DYNC1I1: variants seen among roughly 807,000 people sequenced by gnomAD.
DYNC1I1 encodes cytoplasmic dynein 1 intermediate chain 1.
A neutral mutation model predicts 86.6 loss-of-function variants in DYNC1I1; 43 were observed. That is an observed-to-expected ratio of 0.50 (90% CI 0.39 to 0.64). DYNC1I1 has a LOEUF of 0.64. Among genes scored for constraint, DYNC1I1 ranks in the 30% least tolerant of loss-of-function variants. DYNC1I1 has a pLI of 0.00. For synonymous variants in DYNC1I1, 262 were observed against 283.7 expected (o/e 0.92, Z 0.77); for missense variants, 604 against 788.8 (o/e 0.77, Z 2.81).
At chr7:95,989,300 C>T (rs140510539) in intron 9 of DYNC1I1, among the ~76,000 whole-genome samples, 17 of 152,330 alleles carry the variant, frequency 1.1e-4, no homozygotes, top group African/African-American at 3.8e-4. Context: ...AATGTTCTCT[C>T]CTCTTGAATT....
intron 5 of DYNC1I1, among the ~76,000 whole-genome samples, chr7:95,842,442 C>T (rs1024629828): frequency 6.6e-6 from 1 of 152,126 alleles, no homozygotes; most frequent in African/African-American, 2.4e-5. Context: ...AGGTGATAGA[C>T]GTGGGGCTTT....
At chr7:96,030,376 G>A (rs1413626085) in intron 11 of DYNC1I1, among the ~76,000 whole-genome samples, 5 of 148,210 alleles carry the variant, frequency 3.4e-5, no homozygotes, top group Admixed American at 2.7e-4. Flanking sequence ...GTGTGTGTGT[G>A]TAGGCATGCT....
rs545818592 is a variant in DYNC1I1 at position 96,076,316 on chromosome 7, A to G, written c.1650+119A>G. 149 of 1,399,286 alleles carry G rather than the reference A, an allele frequency of 1.1e-4. No homozygotes were observed. In the African/African-American group the frequency reaches 1.5e-3, roughly 14 times the overall value. 86.7% of individuals were successfully genotyped at this position (1,399,286 alleles called of 1,614,324 possible). ...TTTGGACAGACCTTCCAACTGCAGC[A>G]GGGCTGCCGGCCCCCATTCTTGACT... On this transcript the variant is annotated intron_variant, in intron 15 of 16. Transcript: ENST00000447467.
intron 6 of DYNC1I1, among the ~76,000 whole-genome samples, chr7:95,896,695 T>C (rs374767939): frequency 2.0e-5 from 3 of 152,320 alleles, no homozygotes; most frequent in East Asian, 1.9e-4. Context: ...AGAAACCAAG[T>C]TGCTTATTAT....
At chr7:96,075,463 C>T (rs1164335134) in intron 14 of DYNC1I1, among the ~76,000 whole-genome samples, 1 of 152,138 alleles carries the variant, frequency 6.6e-6, no homozygotes, top group Non-Finnish European at 1.5e-5. Flanking sequence ...CGTAGGATCG[C>T]GAAATGATTA....
chr7:96,029,966 C>T (rs540800344), intron 11 of DYNC1I1, among the ~76,000 whole-genome samples: 41 of 151,164 alleles, frequency 2.7e-4, no homozygotes, highest in South Asian at 6.3e-4. Context: ...GTCCACTTTT[C>T]GCTTTTGCTG....
chr7:95,791,497 C>T (rs1424307942), intron 1 of DYNC1I1, among the ~76,000 whole-genome samples: 2 of 152,184 alleles, frequency 1.3e-5, no homozygotes, highest in African/African-American at 2.4e-5. Context: ...TAGACATGTT[C>T]ATTTATCATC....
intron 6 of DYNC1I1, among the ~76,000 whole-genome samples, chr7:95,944,789 C>T (rs376326746): frequency 7.4e-5 from 11 of 148,332 alleles, no homozygotes; most frequent in East Asian, 6.1e-4. Flanking sequence ...AACCAAATAC[C>T]GCATATTCTC....
At chr7:96,035,574 C>A in intron 12 of DYNC1I1, 45 bp from the exon 13 acceptor site, 1 of 1,522,842 alleles carries the variant, frequency 6.6e-7, no homozygotes, top group Admixed American at 2.4e-5. Flanking sequence ...TTTGGCATGG[C>A]AAGGAGTTGA....
chr7:95,799,774 T>G (rs570666075), intron 1 of DYNC1I1, among the ~76,000 whole-genome samples: 50 of 152,154 alleles, frequency 3.3e-4, no homozygotes, highest in African/African-American at 1.0e-3. Context: ...TTCCTTACTT[T>G]AAATGTATTG....
chr7:96,089,516 G>T (rs1458119094), intron 16 of DYNC1I1, among the ~76,000 whole-genome samples: 2 of 152,030 alleles, frequency 1.3e-5, no homozygotes, highest in Admixed American at 6.6e-5. Context: ...GCACAGAAAA[G>T]GATATTTAGA....
chr7:95,805,291 G>A (rs988061376), intron 2 of DYNC1I1, among the ~76,000 whole-genome samples: 7 of 152,108 alleles, frequency 4.6e-5, no homozygotes, highest in Admixed American at 1.3e-4. Context: ...AAATCTACCA[G>A]CAGGAACATT....
At chr7:95,851,110 T>A (rs1182209859) in intron 5 of DYNC1I1, among the ~76,000 whole-genome samples, 1 of 42,206 alleles carries the variant, frequency 2.4e-5, no homozygotes, top group African/African-American at 4.6e-5. Flanking sequence ...AATTTTTTGA[T>A]TTTTTGAACA....
At chr7:95,822,812 C>T (rs1009409882) in intron 4 of DYNC1I1, among the ~76,000 whole-genome samples, 1 of 152,116 alleles carries the variant, frequency 6.6e-6, no homozygotes, top group Admixed American at 6.5e-5. Flanking sequence ...GGAATACTGA[C>T]GGAAATTTAA....
At chr7:95,840,119 T>C (rs886820010) in intron 5 of DYNC1I1, among the ~76,000 whole-genome samples, 5 of 152,172 alleles carry the variant, frequency 3.3e-5, no homozygotes, top group African/African-American at 1.2e-4. Context: ...GGATGTCTTA[T>C]TTCCTTCCCC....
intron 14 of DYNC1I1, among the ~76,000 whole-genome samples, chr7:96,074,469 T>A (rs1790268507): frequency 6.9e-6 from 1 of 144,292 alleles, no homozygotes; most frequent in Non-Finnish European, 1.5e-5. Flanking sequence ...GAGAATGGCG[T>A]GAACCCGGGA....
intron 16 of DYNC1I1, among the ~76,000 whole-genome samples, chr7:96,086,376 G>A (rs1239073567): frequency 1.3e-5 from 2 of 152,086 alleles, no homozygotes; most frequent in Non-Finnish European, 2.9e-5. Flanking sequence ...TCAAATCCCT[G>A]ATTATATTTT....
At chr7:96,041,293 C>G (rs1357151929) in intron 14 of DYNC1I1, among the ~76,000 whole-genome samples, 1 of 152,126 alleles carries the variant, frequency 6.6e-6, no homozygotes, top group Non-Finnish European at 1.5e-5. Context: ...TTCCAACTAT[C>G]AGATTGACAA....
At chr7:95,836,314 G>C (rs895754485) in intron 5 of DYNC1I1, among the ~76,000 whole-genome samples, 21 of 152,134 alleles carry the variant, frequency 1.4e-4, no homozygotes, top group African/African-American at 5.1e-4. Context: ...CTTCTGTCTT[G>C]TAGGGTTTCT....
Sources: allele counts gnomAD v4.1 joint callset (sites outside exome capture counted in the v4.1 genomes callset), GRCh38; gene constraint gnomAD v4.1.1; transcripts MANE v1.5; gene names NCBI Gene and HGNC (gene_info 2026-07-23, HGNC 2026-07-21).